The following CSMD1 variants were observed in gnomAD, a reference collection of about 807,000 sequenced individuals.
CSMD1 encodes CUB and sushi domain-containing protein 1.
CSMD1 carries 213 observed loss-of-function variants against 417.5 expected under a neutral mutation model. That is an observed-to-expected ratio of 0.51 (90% CI 0.46 to 0.57). The LOEUF (loss-of-function observed/expected upper bound fraction) is 0.57. CSMD1 is among the 20% of genes least tolerant of loss of function. The probability of loss-of-function intolerance (pLI) is 0.00; values close to 1 mark genes in which losing one functional copy is unlikely to be tolerated. For synonymous variants in CSMD1, 2,862 were observed against 1,736.8 expected, an observed-to-expected ratio of 1.65 and a Z score of -16.11; for missense variants, 6,923 against 4,529.7, an observed-to-expected ratio of 1.53 and a Z score of -15.17.
At chr8:4,988,594 C>T (rs535827432) in intron 1 of CSMD1, among the ~76,000 whole-genome samples, 2 of 152,306 alleles carry the variant, frequency 1.3e-5, no homozygotes, top group African/African-American at 4.8e-5. Context: ...GTTTACAACA[C>T]ATTTAGAGTT....
chr8:3,075,339 C>T (rs887624965), intron 49 of CSMD1, among the ~76,000 whole-genome samples: 19 of 147,938 alleles, frequency 1.3e-4, no homozygotes, highest in South Asian at 2.1e-4. Context: ...TGGAGTGCAA[C>T]GGTGTGATCT....
intron 26 of CSMD1, among the ~76,000 whole-genome samples, chr8:3,240,421 G>C (rs796185276): frequency 5.7e-5 from 5 of 87,782 alleles, no homozygotes; most frequent in Admixed American, 5.6e-4. Context: ...TGCCTAGGAA[G>C]GAAAGGAGTT....
intron 2 of CSMD1, among the ~76,000 whole-genome samples, chr8:4,533,133 G>T (rs1173624207): frequency 1.3e-5 from 2 of 152,196 alleles, no homozygotes; most frequent in Non-Finnish European, 2.9e-5. Flanking sequence ...GGCATTTTGT[G>T]ACTGGGCTTC....
intron 10 of CSMD1, among the ~76,000 whole-genome samples, chr8:3,542,576 G>C (rs1170401539): frequency 6.6e-6 from 1 of 152,180 alleles, no homozygotes; most frequent in Non-Finnish European, 1.5e-5. Flanking sequence ...ACAGGAAAGA[G>C]CGTACGTGCT....
At chr8:3,925,621 A>G (rs994687809) in intron 5 of CSMD1, among the ~76,000 whole-genome samples, 9 of 152,046 alleles carry the variant, frequency 5.9e-5, no homozygotes, top group Non-Finnish European at 1.0e-4. Context: ...AACAGTGAAT[A>G]AGTCTCATGA....
At chr8:4,602,956 A>G (rs1346373715) in intron 2 of CSMD1, among the ~76,000 whole-genome samples, 1 of 152,136 alleles carries the variant, frequency 6.6e-6, no homozygotes, top group Non-Finnish European at 1.5e-5. Context: ...AAATAGATAA[A>G]AAAGAAGATA....
chr8:3,935,788 T>C (rs6995575), intron 5 of CSMD1, among the ~76,000 whole-genome samples: 3 of 152,268 alleles, frequency 2.0e-5, no homozygotes, highest in African/African-American at 7.2e-5. Context: ...TTAATAAGCC[T>C]ACAGTGGCCT....
At chr8:4,721,936 G>A (rs1332998155) in intron 1 of CSMD1, among the ~76,000 whole-genome samples, 1 of 152,090 alleles carries the variant, frequency 6.6e-6, no homozygotes, top group Non-Finnish European at 1.5e-5. Flanking sequence ...AGAAAAACTA[G>A]AATTTATTTC....
intron 7 of CSMD1, among the ~76,000 whole-genome samples, chr8:3,631,362 A>C (rs1050263807): frequency 6.6e-6 from 1 of 152,214 alleles, no homozygotes; most frequent in Admixed American, 6.5e-5. Context: ...ACACAGTAAG[A>C]AAGCAACACG....
At chr8:4,166,525 T>A (rs1218739978) in intron 3 of CSMD1, among the ~76,000 whole-genome samples, 1 of 152,220 alleles carries the variant, frequency 6.6e-6, no homozygotes, top group African/African-American at 2.4e-5. Context: ...AAATACTGTA[T>A]ATTCTCATTT....
At chr8:3,568,473 T>C (rs1299529346) in intron 10 of CSMD1, among the ~76,000 whole-genome samples, 2 of 152,182 alleles carry the variant, frequency 1.3e-5, no homozygotes, top group South Asian at 2.1e-4. Flanking sequence ...GTTTTGAGTT[T>C]TTTAAATCCT....
At chr8:4,781,780 G>A (rs1157259389) in intron 1 of CSMD1, among the ~76,000 whole-genome samples, 2 of 152,114 alleles carry the variant, frequency 1.3e-5, no homozygotes, top group East Asian at 1.9e-4. Context: ...AATATGTGAG[G>A]AATAATGATC....
rs1815346606 is a variant in CSMD1 at position 3,997,951 on chromosome 8, T to G, written c.770A>C (p.Glu257Ala). Reference protein sequence around the residue: ...ALVFTDFQLEEGYDFLEISGT... With the variant: ...ALVFTDFQLEAGYDFLEISGT... ...ACTGATCTCTAAGAAATCATATCCT[T>G]CTTCTAGCTGAAAGTCAGTGAAGAC... Residue 257 changes from glutamate to alanine, a missense_variant, in exon 5 of 70, where the codon GAA becomes GCA. Transcript: ENST00000635120. The G allele has an allele frequency of 1.2e-6, 2 of 1,612,200 alleles. No individual in the cohort carries two copies. The highest frequency in any genetic ancestry group is 2.7e-5 in the African/African-American group (2 of 74,904).
chr8:2,999,863 G>A (rs1401130442), intron 53 of CSMD1, 95 bp downstream of exon 53: 6 of 1,074,694 alleles, frequency 5.6e-6, no homozygotes, highest in Non-Finnish European at 6.4e-6. Flanking sequence ...CCCTTTTACA[G>A]TGAAGATTAA....
intron 1 of CSMD1, among the ~76,000 whole-genome samples, chr8:4,836,878 C>G (rs544859330): frequency 6.6e-6 from 1 of 151,984 alleles, no homozygotes; most frequent in Non-Finnish European, 1.5e-5. Flanking sequence ...AGCTTAGAGC[C>G]ACCTCTCACT....
chr8:3,531,006 C>T (rs755199334), intron 10 of CSMD1, among the ~76,000 whole-genome samples: 3 of 150,316 alleles, frequency 2.0e-5, no homozygotes, highest in Non-Finnish European at 4.4e-5. Flanking sequence ...GCACACACCA[C>T]CATGCCCAGC....
chr8:3,462,776 G>A (rs1474943372), intron 12 of CSMD1, among the ~76,000 whole-genome samples: 3 of 151,448 alleles, frequency 2.0e-5, no homozygotes, highest in Admixed American at 2.0e-4. Flanking sequence ...CCGGTCCCTT[G>A]TGCCAAAAAG....
At chr8:4,919,899 G>T (rs916264490) in intron 1 of CSMD1, among the ~76,000 whole-genome samples, 1 of 152,084 alleles carries the variant, frequency 6.6e-6, no homozygotes, top group Non-Finnish European at 1.5e-5. Context: ...GCAGCAACAA[G>T]GTATTCTCTT....
At chr8:3,588,593 T>C (rs1003771004) in intron 8 of CSMD1, among the ~76,000 whole-genome samples, 1 of 152,142 alleles carries the variant, frequency 6.6e-6, no homozygotes, top group African/African-American at 2.4e-5. Flanking sequence ...CACCTCTATC[T>C]TTTTCATGCA....
Sources: gnomAD v4.1 joint callset for allele counts (sites outside exome capture counted in the v4.1 genomes callset) on GRCh38, gnomAD v4.1.1 for gene constraint, MANE v1.5 for transcripts, NCBI Gene and HGNC (gene_info 2026-07-23, HGNC 2026-07-21) for gene names.